The following DMGDH variants were observed in gnomAD, a reference collection of about 807,000 sequenced individuals.
DMGDH encodes dimethylglycine dehydrogenase.
In DMGDH, 76 loss-of-function variants were observed where a neutral mutation model predicts 95.2. The ratio of observed to expected loss-of-function variants is 0.80; its 90% CI spans 0.66 to 0.97. The LOEUF (loss-of-function observed/expected upper bound fraction) is 0.97. DMGDH is among the 50% of genes least tolerant of loss of function. The pLI, the probability that DMGDH is intolerant of heterozygous loss-of-function variation, is 0.00. For missense variants in DMGDH, 987 were observed against 1,055.0 expected, an observed-to-expected ratio of 0.94 and a Z score of 0.89; for synonymous variants, 345 against 377.6, an observed-to-expected ratio of 0.91 and a Z score of 1.00.
intron 14 of DMGDH, among the ~76,000 whole-genome samples, chr5:79,022,345 T>C (rs77882475): frequency 0.014 from 2,063 of 152,292 alleles, 47 homozygotes; most frequent in African/African-American, 0.047. Flanking sequence ...TAGTTTGTAA[T>C]GTTAATAAGG....
intron 14 of DMGDH, among the ~76,000 whole-genome samples, chr5:79,012,080 G>A (rs1753656953): frequency 6.6e-6 from 1 of 152,154 alleles, no homozygotes; most frequent in African/African-American, 2.4e-5. Context: ...AGTCTCATCT[G>A]AGACAAGGCT....
intron 5 of DMGDH, among the ~76,000 whole-genome samples, chr5:79,045,528 T>C (rs899004138): frequency 5.9e-5 from 9 of 152,220 alleles, no homozygotes; most frequent in African/African-American, 2.2e-4. Context: ...TTGGTTTTTC[T>C]TGCTGCAGAC....
chr5:79,059,202 T>C (rs771932872), intron 2 of DMGDH, among the ~76,000 whole-genome samples: 1 of 152,274 alleles, frequency 6.6e-6, no homozygotes, highest in Non-Finnish European at 1.5e-5. Context: ...TAGCAAGAGC[T>C]ATGTGATTAA....
At chr5:79,008,601 A>G (rs1429220151) in intron 14 of DMGDH, among the ~76,000 whole-genome samples, 3 of 152,118 alleles carry the variant, frequency 2.0e-5, no homozygotes, top group African/African-American at 4.8e-5. Context: ...GATGAGAGCT[A>G]TTGGGGCAGA....
At chr5:79,039,486 T>C (rs548517105) in intron 7 of DMGDH, among the ~76,000 whole-genome samples, 4 of 151,962 alleles carry the variant, frequency 2.6e-5, no homozygotes, top group Non-Finnish European at 5.9e-5. Context: ...ATATTCTCAC[T>C]CGTAGGTCGG....
chr5:79,021,598 C>G lies in DMGDH; in HGVS notation c.2250+2673G>C, dbSNP rs142390312. 7 of 1,308,512 alleles carry G rather than the reference C, an allele frequency of 5.3e-6. No homozygotes were observed. In the East Asian group the frequency reaches 3.5e-4, roughly 65 times the overall value. 81.1% of individuals were successfully genotyped at this position (1,308,512 alleles called of 1,614,324 possible). ...TTGCTGACAGGTTTTGACAAGAACA[C>G]GATTCACCCTAATAAGGCCTGATGG... On this transcript the variant is annotated intron_variant, in intron 14 of 15. Transcript: ENST00000255189.
chr5:79,015,865 A>G (rs1022800072), intron 14 of DMGDH, among the ~76,000 whole-genome samples: 7 of 152,202 alleles, frequency 4.6e-5, no homozygotes, highest in Non-Finnish European at 1.0e-4. Context: ...AATGTAATAA[A>G]CCATATAACA....
chr5:79,063,023 C>T (rs1161284775), intron 2 of DMGDH, among the ~76,000 whole-genome samples: 2 of 151,710 alleles, frequency 1.3e-5, no homozygotes, highest in African/African-American at 2.4e-5. Context: ...ACCTGGGAGG[C>T]GGAAGTTGCA....
chr5:79,057,526 T>G (rs1442039469), intron 2 of DMGDH, among the ~76,000 whole-genome samples: 2 of 152,160 alleles, frequency 1.3e-5, no homozygotes, highest in African/African-American at 4.8e-5. Flanking sequence ...CTGATTTTTT[T>G]TTTTTTAAGA....
chr5:79,046,165 C>A (rs894009118), intron 5 of DMGDH, among the ~76,000 whole-genome samples: 1 of 152,118 alleles, frequency 6.6e-6, no homozygotes, highest in African/African-American at 2.4e-5. Flanking sequence ...TGGCTCACTG[C>A]AACATCTGCC....
At chr5:79,032,645 C>G (rs750656290) in intron 9 of DMGDH, 42 bp downstream of exon 9, 2 of 1,613,656 alleles carry the variant, frequency 1.2e-6, no homozygotes, top group East Asian at 4.5e-5. Flanking sequence ...CGTTGTTTCA[C>G]CCCTCGGTCA....
Position 79,032,784 on chromosome 5 carries a change from GC to G in DMGDH, c.1419del (p.Leu474SerfsTer56). ...FAGRPTQRVS[G>X]LYQRLESKCS... is the part of the protein sequence containing the mutation. ...CACTTAGACTCCAGCCTTTGATAGA[GC>G]CCACTGACTCGTTGAGTCGGCCTCC... On this transcript the variant is annotated frameshift_variant, in exon 9 of 16. Transcript: ENST00000255189. LOFTEE classifies it high-confidence loss of function. The G allele has an allele frequency of 6.2e-7, 1 of 1,614,152 alleles. No homozygotes were observed. The highest frequency in any genetic ancestry group is 8.5e-7 in the Non-Finnish European group (1 of 1,180,036).
intron 14 of DMGDH, among the ~76,000 whole-genome samples, chr5:79,007,380 G>A (rs1224296728): frequency 2.0e-5 from 3 of 152,248 alleles, no homozygotes; most frequent in Non-Finnish European, 4.4e-5. Context: ...GTATATATGG[G>A]TTGGTGGTTC....
At position 79,032,759 on chromosome 5, in the gene DMGDH, C is replaced by A. The variant is rs548607471; in HGVS notation, c.1445G>T (p.Cys482Phe). ...SGLYQRLESK[C>F]SMGFHAGWEQ... ...CCAGCCAGCATGGAACCCCATGGAA[C>A]ACTTAGACTCCAGCCTTTGATAGAG... Residue 482 changes from cysteine to phenylalanine, a missense_variant, in exon 9 of 16, where the codon TGT becomes TTT. Cys to Phe is a radical substitution (Grantham distance 205). Transcript: ENST00000255189. 1 of 1,614,182 alleles carries A rather than the reference C, an allele frequency of 6.2e-7. No homozygotes were observed. The highest frequency in any genetic ancestry group is 2.2e-5 in the East Asian group (1 of 44,882).
rs571416651 is a variant in DMGDH, at chr5:79,044,307, G to A, written c.991C>T (p.Pro331Ser). 6.2e-6 allele frequency: 10 copies of A among 1,614,180 alleles called. No homozygotes were observed. In the East Asian group the frequency reaches 8.9e-5, roughly 14 times the overall value. ...QDSWVTNGVP[P>S]GFGKELFESD... Reference sequence around the variant, plus strand: ...CACTTTCATTTGCTGAACCCACCTGGAGGAACTCCATTGGTGACCCAGGAG... The same window carrying A: ...CACTTTCATTTGCTGAACCCACCTGAAGGAACTCCATTGGTGACCCAGGAG... Residue 331 changes from proline (P) to serine (S), a missense_variant, in exon 6 of 16, where the codon CCA becomes TCA. By Grantham distance (74) the Pro-to-Ser change is moderately conservative. Coordinates refer to ENST00000255189, the MANE Select transcript of DMGDH (RefSeq NM_013391.3).
chr5:79,026,514 A>T lies in DMGDH; in HGVS notation c.2100T>A (p.Asn700Lys). The change falls in exon 13 of 16, where the codon AAT (asparagine) becomes AAA (lysine). Residue 700 changes from asparagine to lysine, a missense_variant. Transcript: ENST00000255189. ...DSVALYDAIM[N>K]AGQEEGIDNF... ...TGTCGATTCCCTCCTCCTGGCCTGC[A>T]TTCATGATAGCGTCATACAGCGCCA... is the stretch of plus-strand genomic sequence containing the variant. 5.6e-6 allele frequency: 9 copies of T among 1,614,166 alleles called. No individual in the cohort carries two copies. The highest frequency in any genetic ancestry group is 7.6e-6 in the Non-Finnish European group (9 of 1,180,022).
chr5:79,049,263 T>C (rs1754767136), intron 5 of DMGDH, among the ~76,000 whole-genome samples: 1 of 150,226 alleles, frequency 6.7e-6, no homozygotes, highest in Admixed American at 6.6e-5. Flanking sequence ...TTTGTTACAG[T>C]ATGTAGTTTA....
chr5:79,021,161 G>A lies in DMGDH; in HGVS notation c.2250+3110C>T, dbSNP rs1053942879. 4 of 987,528 alleles carry A rather than the reference G, an allele frequency of 4.1e-6. No individual in the cohort carries two copies. In the African/African-American group the frequency reaches 7.0e-5, roughly 17 times the overall value. The allele number at this position is 987,528 out of a possible 1,614,324, so 61.2% of individuals were successfully genotyped here. ...TATTTTTACCGCAGCTTTGGTCAAG[G>A]CTTCCTGAAGTGGCTCTACGGAGCA... On this transcript the variant is annotated intron_variant, in intron 14 of 15. Coordinates refer to ENST00000255189, the MANE Select transcript of DMGDH (RefSeq NM_013391.3).
At chr5:79,055,360 T>G (rs1192998166) in intron 3 of DMGDH, among the ~76,000 whole-genome samples, 1 of 152,226 alleles carries the variant, frequency 6.6e-6, no homozygotes, top group Admixed American at 6.5e-5. Context: ...CTATGGATAC[T>G]CTTTTGCCTG....
Sources: allele counts gnomAD v4.1 joint callset (sites outside exome capture counted in the v4.1 genomes callset), GRCh38; gene constraint gnomAD v4.1.1; transcripts MANE v1.5; gene names NCBI Gene and HGNC (gene_info 2026-07-23, HGNC 2026-07-21).